The following ZC3H12C variants were observed in gnomAD, a reference collection of about 807,000 sequenced individuals.
ZC3H12C encodes the protein probable ribonuclease ZC3H12C.
ZC3H12C carries 20 observed loss-of-function variants against 76.3 expected under a neutral mutation model. The ratio of observed to expected loss-of-function variants is 0.26; its 90% CI spans 0.18 to 0.38. The LOEUF is 0.38. Among genes scored for constraint, ZC3H12C ranks in the 10% least tolerant of loss-of-function variants. ZC3H12C has a pLI of 1.00. For synonymous variants in ZC3H12C, 352 were observed against 399.6 expected, an observed-to-expected ratio of 0.88 and a Z score of 1.42; for missense variants, 874 against 1,086.5, an observed-to-expected ratio of 0.80 and a Z score of 2.75.
Position 110,126,330 on chromosome 11 carries a change from C to T in ZC3H12C, c.22-10333C>T, listed in dbSNP as rs527925589. Among the ~76,000 whole-genome samples, 29 of 150,192 alleles carry T rather than the reference C, an allele frequency of 1.9e-4. No individual in the cohort carries two copies. In the South Asian group the frequency reaches 3.4e-3, roughly 18 times the overall value. ...TCCTGGGCTCAAGTGATCCTCCTGC[C>T]TCAGCCTTCCGAGTAGCTAGAACTA... On this transcript the variant is annotated intron_variant, in intron 1 of 5. Transcript: ENST00000278590.
chr11:110,156,965 G>T (rs1171670978), intron 3 of ZC3H12C, among the ~76,000 whole-genome samples: 1 of 152,130 alleles, frequency 6.6e-6, no homozygotes, highest in Non-Finnish European at 1.5e-5. Flanking sequence ...CGGATCACGA[G>T]GTCAGGAGTT....
rs1318353097 is a variant in ZC3H12C at position 110,105,984 on chromosome 11, AC to A, written c.21+12554del. Among the ~76,000 whole-genome samples, 19 of 75,464 alleles carry A rather than the reference AC, an allele frequency of 2.5e-4. 8 individuals carry two copies. The highest frequency in any genetic ancestry group is 5.4e-4 in the Non-Finnish European group (19 of 35,258). The allele number at this position is 75,464 out of a possible 152,430, so 49.5% of individuals were successfully genotyped here. ...GCAAACTGCCATCTAGAAAAGTTAT[AC>A]CAGCCGGGCGCGGTGGCTCACGCCT... On this transcript the variant is annotated intron_variant, in intron 1 of 5. Transcript: ENST00000278590.
intron 1 of ZC3H12C, among the ~76,000 whole-genome samples, chr11:110,125,270 AGTGTGTGTGTGTGTGTGTGTGTGTGTGT>A (rs59512764): frequency 1.0e-4 from 14 of 138,782 alleles, no homozygotes; most frequent in South Asian, 2.5e-4. Context: ...ATCTCTCACT[AGTGTGTGTGTGTGTGTGTGTGTGTGTGT>A]GTGTGTGTGT....
intron 1 of ZC3H12C, among the ~76,000 whole-genome samples, chr11:110,098,885 G>A (rs552309420): frequency 1.3e-5 from 2 of 152,344 alleles, no homozygotes; most frequent in East Asian, 1.9e-4. Context: ...ACACATGACT[G>A]TATTAAAGTC....
intron 1 of ZC3H12C, among the ~76,000 whole-genome samples, chr11:110,129,099 TAGC>T (rs946412171): frequency 2.0e-5 from 3 of 152,144 alleles, no homozygotes; most frequent in African/African-American, 7.2e-5. Context: ...CTATAACCCT[TAGC>T]AGAAGAAAGA....
intron 2 of ZC3H12C, among the ~76,000 whole-genome samples, chr11:110,141,170 GC>G (rs1671787476): frequency 6.6e-6 from 1 of 152,136 alleles, no homozygotes; most frequent in Non-Finnish European, 1.5e-5. Flanking sequence ...ATTAAAAAAA[GC>G]ACTGCAGGTA....
intron 2 of ZC3H12C, among the ~76,000 whole-genome samples, chr11:110,150,630 AAAT>A (rs1862255204): frequency 6.6e-6 from 1 of 152,088 alleles, no homozygotes; most frequent in Admixed American, 6.6e-5. Context: ...ATATTTTTTG[AAAT>A]AATTTTTTCT....
Position 110,170,380 on chromosome 11 carries a change from G to A in ZC3H12C, c.*4643G>A, listed in dbSNP as rs1862655240. On this transcript the variant is annotated 3_prime_UTR_variant, in exon 6 of 6. Transcript: ENST00000278590. The stretch of plus-strand genomic sequence containing the variant: ...AGATACATTTTGGCTGCATTTACCA[G>A]TTACATTTTTCCATTGGTTTTGGCT... 1 of 152,088 alleles carries A rather than the reference G, an allele frequency of 6.6e-6. No homozygotes were observed. Among genetic ancestry groups the A allele is most frequent in the South Asian group, 2.1e-4 (1 of 4,830 alleles). 9.4% of individuals were successfully genotyped at this position (152,088 alleles called of 1,614,324 possible).
intron 1 of ZC3H12C, chr11:110,136,388 G>T: frequency 2.9e-6 from 1 of 341,838 alleles, no homozygotes; most frequent in South Asian, 5.3e-5. Flanking sequence ...AAAAGCATGG[G>T]TTTTAGAATC....
chr11:110,136,789 A>G lies in ZC3H12C; in HGVS notation c.148A>G (p.Thr50Ala). The part of the protein sequence containing the change: ...HDLGHLYVES[T>A]DPQLSPAVPW... ...CCTCGGCCACCTTTATGTGGAGAGC[A>G]CTGACCCACAGTTAAGTCCAGCTGT... is the stretch of plus-strand genomic sequence containing the variant. Residue 50 changes from threonine (T) to alanine (A), a missense_variant, in exon 2 of 6, where the codon ACT (threonine) becomes GCT (alanine). By Grantham distance (58) the Thr-to-Ala change is moderately conservative. Transcript: ENST00000278590. 6.2e-7 allele frequency: 1 copy of G among 1,613,968 alleles called. No homozygotes were observed. Among genetic ancestry groups the G allele is most frequent in the South Asian group, 1.1e-5 (1 of 91,080 alleles).
At chr11:110,112,712 C>G (rs1861455460) in intron 1 of ZC3H12C, among the ~76,000 whole-genome samples, 2 of 152,154 alleles carry the variant, frequency 1.3e-5, no homozygotes, top group African/African-American at 4.8e-5. Flanking sequence ...CACTCCCAGT[C>G]AGTCCTGGCT....
chr11:110,152,057 C>G (rs1206712897), intron 2 of ZC3H12C, among the ~76,000 whole-genome samples: 2 of 152,288 alleles, frequency 1.3e-5, no homozygotes, highest in African/African-American at 4.8e-5. Flanking sequence ...ACAAATGGAG[C>G]CCTCACATTA....
Position 110,093,584 on chromosome 11 carries a change from G to C in ZC3H12C, c.21+152G>C, listed in dbSNP as rs974612078. Among the ~76,000 whole-genome samples, 9 of 151,820 alleles carry C rather than the reference G, an allele frequency of 5.9e-5. No homozygotes were observed. The South Asian group carries it at 1.9e-3, about 32-fold the overall frequency. On this transcript the variant is annotated intron_variant, in intron 1 of 5. Transcript: ENST00000278590. ...CTCGCCGTGTGATCTCCAGGCCCAG[G>C]CGGGTCGGGCTCCGGAGGTCGAGTC...
intron 1 of ZC3H12C, among the ~76,000 whole-genome samples, chr11:110,127,517 TA>T (rs1861771701): frequency 6.6e-6 from 1 of 152,164 alleles, no homozygotes; most frequent in African/African-American, 2.4e-5. Context: ...AGTTTTTGGT[TA>T]AAATTTTAAT....
At chr11:110,155,053 C>T (rs1194084225) in intron 3 of ZC3H12C, among the ~76,000 whole-genome samples, 4 of 151,892 alleles carry the variant, frequency 2.6e-5, no homozygotes, top group Non-Finnish European at 4.4e-5. Context: ...TTTGGGAGAC[C>T]GAGGCAGATG....
At chr11:110,147,938 T>C (rs922134544) in intron 2 of ZC3H12C, among the ~76,000 whole-genome samples, 51 of 152,166 alleles carry the variant, frequency 3.4e-4, no homozygotes, top group African/African-American at 1.1e-3. Flanking sequence ...CAAAGGGAAG[T>C]TATCTCCAGA....
In ZC3H12C at chr11:110,102,767, A is replaced by G. The variant is rs149256293; in HGVS notation, c.21+9335A>G. On this transcript the variant is annotated intron_variant, in intron 1 of 5. Coordinates refer to ENST00000278590, the MANE Select transcript of ZC3H12C (RefSeq NM_033390.2). ...AATTTCATTATCATCTTATATTGAG[A>G]AATTGCCACAGCCACCCCATCCTTC... Among the ~76,000 whole-genome samples, 150 of 152,300 alleles carry G rather than the reference A, an allele frequency of 9.8e-4. 1 individual carries two copies. The Middle Eastern group carries it at 0.017, about 17-fold the overall frequency.
At chr11:110,155,649 C>T (rs1862363803) in intron 3 of ZC3H12C, among the ~76,000 whole-genome samples, 1 of 151,996 alleles carries the variant, frequency 6.6e-6, no homozygotes, top group African/African-American at 2.4e-5. Context: ...CAGAAATGCT[C>T]TTTTACATAA....
intron 2 of ZC3H12C, among the ~76,000 whole-genome samples, chr11:110,152,615 T>C (rs998293755): frequency 2.6e-5 from 4 of 152,230 alleles, no homozygotes; most frequent in African/African-American, 9.6e-5. Flanking sequence ...TTCTGTTTTC[T>C]TTATTCTGAT....
Sources: allele counts gnomAD v4.1 joint callset (sites outside exome capture counted in the v4.1 genomes callset), GRCh38; gene constraint gnomAD v4.1.1; transcripts MANE v1.5; gene names NCBI Gene and HGNC (gene_info 2026-07-23, HGNC 2026-07-21).